SMYD3: variants seen among roughly 807,000 people sequenced by gnomAD.
The protein encoded by SMYD3 is SET and MYND domain containing 3.
SMYD3 carries 36 observed loss-of-function variants against 57.7 expected under a neutral mutation model. The ratio of observed to expected loss-of-function variants is 0.62; its 90% confidence interval spans 0.48 to 0.82. The LOEUF (loss-of-function observed/expected upper bound fraction) is 0.82. Ranked by LOEUF, SMYD3 falls within the 40% of genes least tolerant of loss-of-function variation. The probability of loss-of-function intolerance (pLI) is 0.00; values close to 1 mark genes in which losing one functional copy is unlikely to be tolerated. For synonymous variants in SMYD3, 211 were observed against 195.0 expected, an observed-to-expected ratio of 1.08 and a Z score of -0.68; for missense variants, 515 against 538.8, an observed-to-expected ratio of 0.96 and a Z score of 0.44.
intron 1 of SMYD3, among the ~76,000 whole-genome samples, chr1:246,365,994 A>C (rs1405295690): frequency 6.6e-6 from 1 of 152,168 alleles, no homozygotes; most frequent in Non-Finnish European, 1.5e-5. Flanking sequence ...GTCTAAGTTA[A>C]TCAGAGGCTA....
At chr1:246,247,479 ATATATATT>A (rs1334553482) in intron 5 of SMYD3, among the ~76,000 whole-genome samples, 7 of 141,612 alleles carry the variant, frequency 4.9e-5, no homozygotes, top group African/African-American at 2.0e-4. Context: ...ATATATATAT[ATATATATT>A]TTTTAACATG....
chr1:246,007,783 C>T (rs1395213620), intron 5 of SMYD3, among the ~76,000 whole-genome samples: 4 of 151,156 alleles, frequency 2.6e-5, no homozygotes, highest in Non-Finnish European at 5.9e-5. Flanking sequence ...CACCACTGCA[C>T]TCCAGCCTGG....
intron 1 of SMYD3, among the ~76,000 whole-genome samples, chr1:246,452,333 T>G (rs780067030): frequency 1.3e-5 from 2 of 152,024 alleles, no homozygotes; most frequent in Non-Finnish European, 2.9e-5. Flanking sequence ...TGGCAGAACC[T>G]TGTCTCTCCT....
At chr1:246,033,246 C>G (rs2059710905) in intron 5 of SMYD3, among the ~76,000 whole-genome samples, 1 of 151,862 alleles carries the variant, frequency 6.6e-6, no homozygotes, top group South Asian at 2.1e-4. Context: ...AGGGCAACAA[C>G]CTGGATAAAT....
At chr1:245,910,465 C>T (rs2054887994) in intron 8 of SMYD3, among the ~76,000 whole-genome samples, 2 of 151,996 alleles carry the variant, frequency 1.3e-5, no homozygotes, top group Admixed American at 6.6e-5. Context: ...TATGGAACAA[C>T]AAAAGCAATC....
chr1:246,422,141 AAGCCAC>A (rs1311756015), intron 1 of SMYD3, among the ~76,000 whole-genome samples: 1 of 152,318 alleles, frequency 6.6e-6, no homozygotes, highest in East Asian at 1.9e-4. Context: ...CTTTGATGAT[AAGCCAC>A]AGATCAAAGA....
intron 10 of SMYD3, among the ~76,000 whole-genome samples, chr1:245,802,136 A>G (rs1357045626): frequency 6.6e-6 from 1 of 152,230 alleles, no homozygotes; most frequent in Non-Finnish European, 1.5e-5. Flanking sequence ...GTTCTATTTT[A>G]TAATTACTTA....
chr1:246,242,995 A>G (rs1295853483), intron 5 of SMYD3, among the ~76,000 whole-genome samples: 1 of 152,156 alleles, frequency 6.6e-6, no homozygotes, highest in Admixed American at 6.5e-5. Context: ...CTCCCACACA[A>G]TAATAATGGG....
chr1:246,387,855 A>C (rs2066511443), intron 1 of SMYD3, among the ~76,000 whole-genome samples: 1 of 127,232 alleles, frequency 7.9e-6, no homozygotes, highest in African/African-American at 3.1e-5. Flanking sequence ...ATTCTTGAAA[A>C]TCACCTCGAG....
chr1:245,784,253 C>T (rs1240403624), intron 10 of SMYD3, among the ~76,000 whole-genome samples: 1 of 152,086 alleles, frequency 6.6e-6, no homozygotes, highest in Non-Finnish European at 1.5e-5. Flanking sequence ...TTTGGAAAAG[C>T]TAGTTTGGAA....
chr1:246,005,519 T>C (rs1252803163), intron 5 of SMYD3, among the ~76,000 whole-genome samples: 1 of 152,200 alleles, frequency 6.6e-6, no homozygotes, highest in Non-Finnish European at 1.5e-5. Context: ...ACCCATTAAA[T>C]TAGAGGATGT....
intron 5 of SMYD3, among the ~76,000 whole-genome samples, chr1:246,230,334 A>G (rs4636424): frequency 0.21 from 31,566 of 152,224 alleles, 3,988 homozygotes; most frequent in East Asian, 0.58. Context: ...TTAATCTGCA[A>G]TCGCTCACCA....
At chr1:246,109,361 A>G (rs1405963529) in intron 5 of SMYD3, among the ~76,000 whole-genome samples, 1 of 152,250 alleles carries the variant, frequency 6.6e-6, no homozygotes, top group Non-Finnish European at 1.5e-5. Context: ...AGCTTACTGA[A>G]GAGTAGCCCT....
intron 5 of SMYD3, among the ~76,000 whole-genome samples, chr1:245,951,634 GC>G (rs2057656300): frequency 6.7e-6 from 1 of 149,252 alleles, no homozygotes; most frequent in Admixed American, 6.7e-5. Flanking sequence ...TGACTGTGCT[GC>G]TTGTGATCTG....
rs555539778 is a variant in SMYD3, at chr1:246,040,036, A to G, written c.532-110099T>C. 4.6e-5 allele frequency among the ~76,000 whole-genome samples: 7 copies of G among 152,370 alleles called. No homozygotes were observed. In the East Asian group the frequency reaches 1.2e-3, roughly 25 times the overall value. On this transcript the variant is annotated intron_variant, in intron 5 of 11. Coordinates refer to ENST00000490107, the MANE Select transcript of SMYD3 (RefSeq NM_001167740.2). ...CCGACATGATCTGTGATGTAATAGA[A>G]TTAAGTAAGACATTTCTCCCGGCTA...
rs1160227212 is a variant in SMYD3 at position 246,187,890 on chromosome 1, C to T, written c.531+139311G>A. Among the ~76,000 whole-genome samples the T allele has an allele frequency of 2.6e-5, 4 of 151,820 alleles. No individual in the cohort carries two copies. In the South Asian group the frequency reaches 6.3e-4, roughly 24 times the overall value. On this transcript the variant is annotated intron_variant, in intron 5 of 11. Coordinates refer to ENST00000490107, the MANE Select transcript of SMYD3 (RefSeq NM_001167740.2). Reference sequence around the variant, plus strand: ...TGTTGACGGAAATATTACAAGAAGTCCCCCTAAGAACAGTTCTCTTCATTG... The same window carrying T: ...TGTTGACGGAAATATTACAAGAAGTTCCCCTAAGAACAGTTCTCTTCATTG...
intron 5 of SMYD3, among the ~76,000 whole-genome samples, chr1:246,249,992 G>C (rs1315571636): frequency 6.6e-6 from 1 of 152,122 alleles, no homozygotes; most frequent in Non-Finnish European, 1.5e-5. Context: ...CACAATTATA[G>C]AGCACATTAA....
intron 8 of SMYD3, among the ~76,000 whole-genome samples, chr1:245,906,019 A>G (rs1351007011): frequency 6.6e-6 from 1 of 152,276 alleles, no homozygotes; most frequent in Non-Finnish European, 1.5e-5. Context: ...CTTAAATCTA[A>G]GACCTCAAAC....
At chr1:246,077,644 A>AT (rs930604311) in intron 5 of SMYD3, among the ~76,000 whole-genome samples, 11 of 151,564 alleles carry the variant, frequency 7.3e-5, no homozygotes, top group Non-Finnish European at 1.0e-4. Context: ...CTAAAAAAAG[A>AT]TTTTTTTTTA....
Sources: allele counts gnomAD v4.1 joint callset (sites outside exome capture counted in the v4.1 genomes callset), GRCh38; gene constraint gnomAD v4.1.1; transcripts MANE v1.5; gene names NCBI Gene and HGNC (gene_info 2026-07-23, HGNC 2026-07-21).